The following NREP variants were observed in gnomAD, a reference collection of about 807,000 sequenced individuals.
The protein encoded by NREP is neuronal regeneration-related protein.
In NREP, 5 loss-of-function variants were observed where a neutral mutation model predicts 8.6. That is an observed-to-expected ratio of 0.58 (90% confidence interval 0.30 to 1.22). The LOEUF (loss-of-function observed/expected upper bound fraction) is 1.22, where lower values mean the gene tolerates loss of function less well. Among genes scored for constraint, NREP ranks in the 50% most tolerant of loss-of-function variants. The pLI, the probability that NREP is intolerant of heterozygous loss-of-function variation, is 0.07. For missense variants in NREP, 86 were observed against 82.5 expected (o/e 1.04, Z -0.17); for synonymous variants, 27 against 28.0 (o/e 0.96, Z 0.11).
rs1174747971 is a variant in NREP at position 111,796,254 on chromosome 5, TCA to T, written c.136-60749_136-60748del. ...TGCCTCTCGCCTCTAGCTCCTGTCC[TCA>T]CACCTCCTGCTCTGACTCTTTTGCC... On this transcript the variant is annotated intron_variant, in intron 2 of 3. Transcript: ENST00000395634. 3.3e-5 allele frequency among the ~76,000 whole-genome samples: 5 copies of T among 152,298 alleles called. No homozygotes were observed. In the East Asian group the frequency reaches 5.8e-4, roughly 18 times the overall value.
At chr5:111,783,440 T>C (rs535937239) in intron 2 of NREP, among the ~76,000 whole-genome samples, 1 of 152,326 alleles carries the variant, frequency 6.6e-6, no homozygotes, top group Admixed American at 6.5e-5. Flanking sequence ...ATGCTTAACT[T>C]TATCACCCAG....
At chr5:111,816,153 A>T (rs1467263285) in intron 2 of NREP, among the ~76,000 whole-genome samples, 1 of 152,204 alleles carries the variant, frequency 6.6e-6, no homozygotes, top group African/African-American at 2.4e-5. Flanking sequence ...GATGTTTTAA[A>T]AATATATTTC....
intron 2 of NREP, among the ~76,000 whole-genome samples, chr5:111,799,098 G>C (rs757281423): frequency 1.3e-5 from 2 of 152,056 alleles, no homozygotes; most frequent in Non-Finnish European, 2.9e-5. Flanking sequence ...CTTTATTTCT[G>C]CGTTCTCTAT....
intron 2 of NREP, among the ~76,000 whole-genome samples, chr5:111,747,348 C>A (rs948263265): frequency 6.6e-6 from 1 of 152,140 alleles, no homozygotes; most frequent in Non-Finnish European, 1.5e-5. Flanking sequence ...TGCCTGGACC[C>A]GTTTTAAACA....
intron 2 of NREP, among the ~76,000 whole-genome samples, chr5:111,923,497 C>T (rs1274296925): frequency 6.6e-6 from 1 of 152,182 alleles, no homozygotes; most frequent in African/African-American, 2.4e-5. Flanking sequence ...GATCCCTCTA[C>T]TAGTAGAGTC....
At chr5:111,921,268 A>T (rs1755231231) in intron 2 of NREP, among the ~76,000 whole-genome samples, 1 of 152,066 alleles carries the variant, frequency 6.6e-6, no homozygotes, top group African/African-American at 2.4e-5. Context: ...TTGAGTGGGG[A>T]AACAGCAGCT....
At chr5:111,896,671 C>G (rs1486292502) in intron 2 of NREP, among the ~76,000 whole-genome samples, 6 of 152,168 alleles carry the variant, frequency 3.9e-5, no homozygotes, top group African/African-American at 1.4e-4. Flanking sequence ...TTTTATCCTC[C>G]TTACATTTGA....
At chr5:111,858,542 T>G (rs1395335834) in intron 2 of NREP, among the ~76,000 whole-genome samples, 2 of 152,026 alleles carry the variant, frequency 1.3e-5, no homozygotes, top group Non-Finnish European at 2.9e-5. Flanking sequence ...TCCCAGCACT[T>G]GGGGAGTCTG....
intron 2 of NREP, among the ~76,000 whole-genome samples, chr5:111,829,174 T>C (rs557961794): frequency 1.3e-5 from 2 of 151,870 alleles, no homozygotes; most frequent in Admixed American, 6.5e-5. Context: ...AGAGATGAGG[T>C]TGCAAAGCAA....
At chr5:111,975,521 G>C (rs1478701324) in intron 1 of NREP, 2 of 624,308 alleles carry the variant, frequency 3.2e-6, no homozygotes, top group Non-Finnish European at 5.7e-6. Flanking sequence ...CCAGGGTATA[G>C]GATCAGTTTA....
At chr5:111,742,210 C>G (rs768176873) in intron 2 of NREP, among the ~76,000 whole-genome samples, 3 of 152,114 alleles carry the variant, frequency 2.0e-5, no homozygotes, top group African/African-American at 7.2e-5. Flanking sequence ...CATTACATGT[C>G]AGGAAGGCAA....
At chr5:111,913,182 G>A (rs76323638) in intron 2 of NREP, among the ~76,000 whole-genome samples, 15,174 of 152,072 alleles carry the variant, frequency 0.1, 1,159 homozygotes, top group African/African-American at 0.21. Context: ...TAAGTAATTT[G>A]TAGAAGATTT....
chr5:111,808,383 C>T (rs1011441036), intron 2 of NREP, among the ~76,000 whole-genome samples: 2 of 152,168 alleles, frequency 1.3e-5, no homozygotes, highest in African/African-American at 2.4e-5. Context: ...AAACCAAAGC[C>T]TGTCTTCTCT....
intron 2 of NREP, among the ~76,000 whole-genome samples, chr5:111,827,096 A>G (rs1752647406): frequency 1.3e-5 from 2 of 152,174 alleles, no homozygotes; most frequent in African/African-American, 2.4e-5. Context: ...CTTAAACACT[A>G]ATTTTGATTG....
chr5:111,811,613 G>A (rs1278838030), intron 2 of NREP, among the ~76,000 whole-genome samples: 1 of 152,210 alleles, frequency 6.6e-6, no homozygotes, highest in East Asian at 1.9e-4. Flanking sequence ...CCAGAAGGGA[G>A]TGCTGCCCAC....
At chr5:111,903,118 C>T (rs1314778525) in intron 2 of NREP, among the ~76,000 whole-genome samples, 8 of 132,028 alleles carry the variant, frequency 6.1e-5, no homozygotes, top group African/African-American at 2.1e-4. Context: ...GAGTCTCACT[C>T]TGTAACCCAG....
chr5:111,756,313 C>CCTA, intron 1 of NREP: 2 of 200,166 alleles, frequency 1.0e-5, no homozygotes, highest in Non-Finnish European at 1.4e-5. Flanking sequence ...AAAAAAAAAA[C>CCTA]CCTACACGGC....
At chr5:111,848,968 G>C (rs938786979) in intron 2 of NREP, among the ~76,000 whole-genome samples, 1 of 152,086 alleles carries the variant, frequency 6.6e-6, no homozygotes, top group East Asian at 1.9e-4. Flanking sequence ...TGAACTAATA[G>C]TTTTGGATCT....
chr5:111,954,514 C>T (rs1302599175), intron 2 of NREP, among the ~76,000 whole-genome samples: 2 of 152,080 alleles, frequency 1.3e-5, no homozygotes, highest in Non-Finnish European at 2.9e-5. Flanking sequence ...CAAATAGATG[C>T]ATTTTGATAC....
Sources: gnomAD v4.1 joint callset for allele counts (sites outside exome capture counted in the v4.1 genomes callset) on GRCh38, gnomAD v4.1.1 for gene constraint, MANE v1.5 for transcripts, NCBI Gene and HGNC (gene_info 2026-07-23, HGNC 2026-07-21) for gene names.